SPRED2: variants seen among roughly 807,000 people sequenced by gnomAD.
SPRED2 encodes sprouty related EVH1 domain containing 2.
A neutral mutation model predicts 43.0 loss-of-function variants in SPRED2; 47 were observed. That is an observed-to-expected ratio of 1.09 (90% CI 0.87 to 1.40). The LOEUF (loss-of-function observed/expected upper bound fraction) is 1.40, where lower values mean the gene tolerates loss of function less well. SPRED2 is among the 40% of genes most tolerant of loss of function. The probability of loss-of-function intolerance (pLI) is 0.00; values close to 1 mark genes in which losing one functional copy is unlikely to be tolerated. For missense variants in SPRED2, 561 were observed against 586.4 expected (o/e 0.96, Z 0.45); for synonymous variants, 225 against 225.7 (o/e 1.00, Z 0.03).
At chr2:65,354,507 C>A (rs1332387088) in intron 1 of SPRED2, among the ~76,000 whole-genome samples, 4 of 150,654 alleles carry the variant, frequency 2.7e-5, no homozygotes, top group Non-Finnish European at 4.4e-5. Context: ...AAATCCTGCA[C>A]AGGAAAAGAG....
At chr2:65,343,978 C>T (rs1219868461) in intron 2 of SPRED2, among the ~76,000 whole-genome samples, 1 of 151,912 alleles carries the variant, frequency 6.6e-6, no homozygotes, top group Non-Finnish European at 1.5e-5. Context: ...GAAACTCTGT[C>T]TCTACTAAAG....
intron 1 of SPRED2, among the ~76,000 whole-genome samples, chr2:65,390,476 G>T (rs561514559): frequency 6.6e-6 from 1 of 152,190 alleles, no homozygotes; most frequent in Admixed American, 6.5e-5. Flanking sequence ...GCAGCAAGAG[G>T]AGAGGCTGGA....
intron 2 of SPRED2, 122 bp downstream of exon 2, chr2:65,344,597 T>C (rs1435609750): frequency 2.2e-6 from 3 of 1,333,774 alleles, no homozygotes; most frequent in Middle Eastern, 1.8e-4. Flanking sequence ...TTTTGAAGCT[T>C]TTGCAAGAGT....
chr2:65,332,045 G>T lies in SPRED2; in HGVS notation c.380C>A (p.Thr127Lys). The stretch of plus-strand genomic sequence containing the variant: ...ATTATGGATGGTGGAAGATGACGTT[G>T]TTGAACCTAAAAAGACAAAAATGTA... Reference protein sequence around the residue: ...KAIEDLIEGSTTSSSTIHNEA... With the variant: ...KAIEDLIEGSKTSSSTIHNEA... Residue 127 changes from threonine to lysine, a missense_variant, in exon 4 of 6, where the codon ACA becomes AAA. By Grantham distance (78) the Thr-to-Lys change is moderately conservative. This residue lies in a region of SPRED2 where 305 missense variants were observed against 282.4 expected (regional missense o/e 1.08). Transcript: ENST00000356388. 1 of 1,606,346 alleles carries T rather than the reference G, an allele frequency of 6.2e-7. No homozygotes were observed. The highest frequency in any genetic ancestry group is 8.5e-7 in the Non-Finnish European group (1 of 1,175,274).
At chr2:65,387,251 A>T (rs1353789308) in intron 1 of SPRED2, among the ~76,000 whole-genome samples, 1 of 152,228 alleles carries the variant, frequency 6.6e-6, no homozygotes, top group African/African-American at 2.4e-5. Context: ...CAATCTCCTC[A>T]GCCACCTCTG....
rs551220106 is a variant in SPRED2, at chr2:65,348,173, C to T, written c.27-3277G>A. Among the ~76,000 whole-genome samples the T allele has an allele frequency of 5.9e-5, 9 of 152,322 alleles. No homozygotes were observed. The South Asian group carries it at 1.9e-3, about 32-fold the overall frequency. On this transcript the variant is annotated intron_variant, in intron 1 of 5. Coordinates refer to ENST00000356388, the MANE Select transcript of SPRED2 (RefSeq NM_181784.3). ...CTGTTTCTTCTGTTCAAATCCTACT[C>T]CTCACATACCAACTGAGTTCATTCT...
downstream of SPRED2, among the ~76,000 whole-genome samples, chr2:65,309,148 C>G (rs1403320111): frequency 2.7e-5 from 3 of 110,810 alleles, no homozygotes; most frequent in Admixed American, 9.8e-5. Flanking sequence ...AAGAGCGAAA[C>G]TCAGTCTCAA....
intron 3 of SPRED2, among the ~76,000 whole-genome samples, chr2:65,333,403 T>C (rs1303511513): frequency 6.6e-6 from 1 of 152,122 alleles, no homozygotes; most frequent in Non-Finnish European, 1.5e-5. Flanking sequence ...GTATGTTCTG[T>C]GCAACTCCTA....
At chr2:65,380,490 T>C (rs571002399) in intron 1 of SPRED2, 1 of 152,268 alleles carries the variant, frequency 6.6e-6, no homozygotes, top group East Asian at 1.9e-4. Context: ...GAGTCAGCCA[T>C]TAAAAAAAAT....
chr2:65,309,538 G>A (rs1192956866), downstream of SPRED2, among the ~76,000 whole-genome samples: 1 of 150,448 alleles, frequency 6.6e-6, no homozygotes, highest in South Asian at 2.1e-4. Context: ...GGATATAAGA[G>A]GGAGGATGTG....
At chr2:65,332,887 T>C (rs1673855125) in intron 3 of SPRED2, among the ~76,000 whole-genome samples, 1 of 152,212 alleles carries the variant, frequency 6.6e-6, no homozygotes, top group South Asian at 2.1e-4. Context: ...ATATTTAAAA[T>C]TGCATCAGTG....
intron 1 of SPRED2, among the ~76,000 whole-genome samples, chr2:65,401,417 C>G (rs1371239683): frequency 6.6e-6 from 1 of 152,114 alleles, no homozygotes; most frequent in Non-Finnish European, 1.5e-5. Context: ...TGTTTACAAA[C>G]AGATTTACAG....
chr2:65,345,259 GTTT>G (rs66991368), intron 1 of SPRED2, among the ~76,000 whole-genome samples: 30,878 of 111,832 alleles, frequency 0.28, 3,800 homozygotes, highest in African/African-American at 0.44. Context: ...TTTAGTTGTT[GTTT>G]TTTTTTTTTT....
intron 1 of SPRED2, among the ~76,000 whole-genome samples, chr2:65,393,057 A>G (rs1675674412): frequency 6.6e-6 from 1 of 152,270 alleles, no homozygotes; most frequent in African/African-American, 2.4e-5. Context: ...TCATGGAACT[A>G]GCTATTTTTC....
chr2:65,407,025 T>G (rs1472400415), intron 1 of SPRED2, among the ~76,000 whole-genome samples: 2 of 151,732 alleles, frequency 1.3e-5, no homozygotes, highest in Non-Finnish European at 2.9e-5. Flanking sequence ...ACCTCCTGGG[T>G]TCACGCCATT....
At chr2:65,357,130 C>G (rs1240602638) in intron 1 of SPRED2, among the ~76,000 whole-genome samples, 4 of 152,208 alleles carry the variant, frequency 2.6e-5, no homozygotes, top group Non-Finnish European at 5.9e-5. Flanking sequence ...TATATTCCCA[C>G]AGGTCCACTA....
At chr2:65,423,939 G>A (rs1676497689) in intron 1 of SPRED2, among the ~76,000 whole-genome samples, 1 of 152,016 alleles carries the variant, frequency 6.6e-6, no homozygotes. Flanking sequence ...ACAGGCATGT[G>A]CTAGCATGCT....
intron 1 of SPRED2, among the ~76,000 whole-genome samples, chr2:65,381,620 G>T (rs1224872717): frequency 3.3e-5 from 5 of 152,214 alleles, no homozygotes; most frequent in African/African-American, 9.6e-5. Context: ...TCCAGCAAAG[G>T]TTCAGTACAT....
At chr2:65,426,144 T>C (rs1480367215) in intron 1 of SPRED2, among the ~76,000 whole-genome samples, 3 of 152,212 alleles carry the variant, frequency 2.0e-5, no homozygotes, top group African/African-American at 7.2e-5. Context: ...GTGGTCAAGA[T>C]TTTTTACTTG....
Sources: allele counts gnomAD v4.1 joint callset (sites outside exome capture counted in the v4.1 genomes callset), GRCh38; gene constraint gnomAD v4.1.1; regional missense constraint gnomAD v4.1.1; transcripts MANE v1.5; gene names NCBI Gene and HGNC (gene_info 2026-07-23, HGNC 2026-07-21).